Variants in BMERB1 observed in about 807,000 individuals in gnomAD.
BMERB1 encodes the protein bMERB domain-containing protein 1.
BMERB1 carries 12 observed loss-of-function variants against 23.6 expected under a neutral mutation model. The ratio of observed to expected loss-of-function variants is 0.51; its 90% CI spans 0.33 to 0.82. BMERB1 has a LOEUF of 0.82. Among genes scored for constraint, BMERB1 ranks in the 40% least tolerant of loss-of-function variants. BMERB1 has a pLI of 0.03. For missense variants in BMERB1, 247 were observed against 255.4 expected (o/e 0.97, Z 0.22); for synonymous variants, 122 against 96.6 (o/e 1.26, Z -1.54).
chr16:15,505,246 C>G (rs192539126), intron 1 of BMERB1, among the ~76,000 whole-genome samples: 1 of 152,306 alleles, frequency 6.6e-6, no homozygotes, highest in Non-Finnish European at 1.5e-5. Flanking sequence ...ATAGGTACCC[C>G]CAGTGGTACT....
intron 2 of BMERB1, among the ~76,000 whole-genome samples, chr16:15,548,989 C>A (rs1014358064): frequency 6.6e-6 from 1 of 151,992 alleles, no homozygotes; most frequent in Non-Finnish European, 1.5e-5. Context: ...TTCCCCGGGG[C>A]CTGCAGATTG....
Position 15,587,630 on chromosome 16 carries a change from G to C in BMERB1, c.*801G>C, listed in dbSNP as rs544832960. On this transcript the variant is annotated 3_prime_UTR_variant, in exon 6 of 6. Coordinates refer to ENST00000300006, the MANE Select transcript of BMERB1 (RefSeq NM_033201.3). Reference sequence around the variant, plus strand: ...TGGGACCCAGAGTAGATGCTGACCTGGGCACTCCACCATTCCGGGGCCACC... The same window carrying C: ...TGGGACCCAGAGTAGATGCTGACCTCGGCACTCCACCATTCCGGGGCCACC... 2.6e-6 allele frequency: 1 copy of C among 389,714 alleles called. No homozygotes were observed. Among genetic ancestry groups the C allele is most frequent in the South Asian group, 1.7e-5 (1 of 57,346 alleles). 24.1% of individuals were successfully genotyped at this position (389,714 alleles called of 1,614,324 possible).
At chr16:15,528,045 C>T (rs1386110409) in intron 2 of BMERB1, among the ~76,000 whole-genome samples, 1 of 152,158 alleles carries the variant, frequency 6.6e-6, no homozygotes, top group Non-Finnish European at 1.5e-5. Context: ...ATTTTCTCAC[C>T]ATGTGAATCT....
intron 1 of BMERB1, among the ~76,000 whole-genome samples, chr16:15,498,179 ATTT>A (rs538672720): frequency 4.1e-5 from 6 of 146,770 alleles, no homozygotes; most frequent in Middle Eastern, 3.4e-3. Context: ...AGGTAGATGG[ATTT>A]TTTTTTTTTA....
At chr16:15,543,886 G>A (rs1468228607) in intron 2 of BMERB1, among the ~76,000 whole-genome samples, 1 of 152,166 alleles carries the variant, frequency 6.6e-6, no homozygotes, top group East Asian at 1.9e-4. Context: ...AGAGTCTTTT[G>A]TTATGATTCT....
intron 2 of BMERB1, among the ~76,000 whole-genome samples, chr16:15,542,041 C>T (rs1176788717): frequency 2.7e-5 from 4 of 150,260 alleles, no homozygotes; most frequent in East Asian, 2.0e-4. Flanking sequence ...CCTCTGCATC[C>T]GGCAGTGCCC....
chr16:15,531,801 C>T (rs1300765543), intron 2 of BMERB1, among the ~76,000 whole-genome samples: 2 of 152,182 alleles, frequency 1.3e-5, no homozygotes, highest in Non-Finnish European at 2.9e-5. Flanking sequence ...TTGAGAAGGG[C>T]TTGTCCCTAT....
chr16:15,580,863 G>T (rs2030995973), intron 3 of BMERB1, among the ~76,000 whole-genome samples: 1 of 151,230 alleles, frequency 6.6e-6, no homozygotes, highest in Non-Finnish European at 1.5e-5. Context: ...TGCTTTTAGT[G>T]GTCACCCTCT....
intron 2 of BMERB1, among the ~76,000 whole-genome samples, chr16:15,552,610 C>G (rs2030125276): frequency 6.6e-6 from 1 of 152,334 alleles, no homozygotes; most frequent in African/African-American, 2.4e-5. Flanking sequence ...TGGGCACGGC[C>G]CAGTTCCCTG....
intron 1 of BMERB1, among the ~76,000 whole-genome samples, chr16:15,511,398 G>A (rs927072324): frequency 6.6e-6 from 1 of 152,108 alleles, no homozygotes; most frequent in Non-Finnish European, 1.5e-5. Context: ...AGGCAAGGAG[G>A]AGGTGATTGT....
intron 2 of BMERB1, among the ~76,000 whole-genome samples, chr16:15,517,899 CTGTGTGTGTGTATG>C (rs1333501215): frequency 3.3e-4 from 37 of 112,506 alleles, no homozygotes; most frequent in Admixed American, 3.2e-3. Context: ...GTGTGTGGAT[CTGTGTGTGTGTATG>C]TGTGTGTGAG....
Position 15,545,261 on chromosome 16 carries a change from C to T in BMERB1, c.231-22722C>T, listed in dbSNP as rs557375541. Among the ~76,000 whole-genome samples the T allele has an allele frequency of 1.8e-4, 27 of 152,288 alleles. No individual in the cohort carries two copies. The East Asian group carries it at 3.7e-3, about 21-fold the overall frequency. ...GTGCTAGGATTACAGGTGTGAGCCA[C>T]CACACCTGGCCCCAAATTTTCTAAT... On this transcript the variant is annotated intron_variant, in intron 2 of 5. Coordinates refer to ENST00000300006, the MANE Select transcript of BMERB1 (RefSeq NM_033201.3).
At chr16:15,572,966 G>A (rs189692331) in intron 3 of BMERB1, among the ~76,000 whole-genome samples, 11 of 152,182 alleles carry the variant, frequency 7.2e-5, no homozygotes, top group East Asian at 1.9e-4. Context: ...CGTGCCTTTT[G>A]CCTTCTGCCG....
chr16:15,536,259 T>C (rs2052023644), intron 2 of BMERB1, among the ~76,000 whole-genome samples: 1 of 152,066 alleles, frequency 6.6e-6, no homozygotes, highest in South Asian at 2.1e-4. Context: ...CCTGTGTCCC[T>C]TGCAGCTTGT....
chr16:15,576,436 C>T lies in BMERB1; in HGVS notation c.305-4781C>T, dbSNP rs559152870. Among the ~76,000 whole-genome samples, 314 of 152,220 alleles carry T rather than the reference C, an allele frequency of 2.1e-3. 4 individuals carry two copies. Among genetic ancestry groups the T allele is most frequent in the African/African-American group, 7.2e-3 (301 of 41,550 alleles). ...AGGCCTGTTCCCCTCTCTCATTTCA[C>T]AATTCTCCAAGGATTAGTCTGGCTG... On this transcript the variant is annotated intron_variant, in intron 3 of 5. Transcript: ENST00000300006.
Position 15,580,372 on chromosome 16 carries a change from G to A in BMERB1, c.305-845G>A, listed in dbSNP as rs561541347. Reference sequence around the variant, plus strand: ...TCCTGCCTTGGTCTCCCAAAGTGCTGGGATTACAGGTGGCAGGCACTATGC... The same window carrying A: ...TCCTGCCTTGGTCTCCCAAAGTGCTAGGATTACAGGTGGCAGGCACTATGC... On this transcript the variant is annotated intron_variant, in intron 3 of 5. Coordinates refer to ENST00000300006, the MANE Select transcript of BMERB1 (RefSeq NM_033201.3). Among the ~76,000 whole-genome samples, 8 of 152,098 alleles carry A rather than the reference G, an allele frequency of 5.3e-5. No homozygotes were observed. The South Asian group carries it at 1.5e-3, about 28-fold the overall frequency.
intron 3 of BMERB1, among the ~76,000 whole-genome samples, chr16:15,579,493 T>TA (rs1409738660): frequency 6.6e-6 from 1 of 152,174 alleles, no homozygotes; most frequent in Non-Finnish European, 1.5e-5. Context: ...ATGTTCTCCT[T>TA]ACCCCTGGTT....
intron 1 of BMERB1, among the ~76,000 whole-genome samples, chr16:15,494,261 C>A (rs573112592): frequency 6.6e-6 from 1 of 152,218 alleles, no homozygotes; most frequent in East Asian, 1.9e-4. Context: ...AATTCCACAG[C>A]CCTAATGATT....
chr16:15,499,505 A>T (rs115992313), intron 1 of BMERB1, among the ~76,000 whole-genome samples: 6 of 152,240 alleles, frequency 3.9e-5, no homozygotes, highest in Middle Eastern at 6.8e-3. Flanking sequence ...TTGGACTTCT[A>T]TGAGGTCACA....
Sources: gnomAD v4.1 joint callset for allele counts (sites outside exome capture counted in the v4.1 genomes callset) on GRCh38, gnomAD v4.1.1 for gene constraint, MANE v1.5 for transcripts, NCBI Gene and HGNC (gene_info 2026-07-23, HGNC 2026-07-21) for gene names.